ANXA8: variants seen among roughly 807,000 people sequenced by gnomAD.
The protein encoded by ANXA8 is annexin A8, also known as VAC-beta.
A neutral mutation model predicts 26.8 loss-of-function variants in ANXA8; 9 were observed. That is an observed-to-expected ratio of 0.34 (90% CI 0.20 to 0.59). The LOEUF is 0.59. Among genes scored for constraint, ANXA8 ranks in the 20% least tolerant of loss-of-function variants. The probability of loss-of-function intolerance (pLI) is 0.84; values close to 1 mark genes in which losing one functional copy is unlikely to be tolerated. For missense variants in ANXA8, 83 were observed against 238.5 expected, an observed-to-expected ratio of 0.35 and a Z score of 4.29; for synonymous variants, 39 against 94.8, an observed-to-expected ratio of 0.41 and a Z score of 3.42.
At chr10:47,693,400 C>T in the ANXA8 span, among the ~76,000 whole-genome samples, 25 of 151,524 alleles carry the variant, frequency 1.6e-4, no homozygotes, top group South Asian at 5.2e-3. Flanking sequence ...CGCCATTTTC[C>T]TGCCTCAGCC....
the ANXA8 span, among the ~76,000 whole-genome samples, chr10:47,703,970 T>A: frequency 7.0e-6 from 1 of 142,798 alleles, no homozygotes; most frequent in Non-Finnish European, 1.6e-5. Flanking sequence ...ACTAAATAAA[T>A]GATCAGGATT....
the ANXA8 span, among the ~76,000 whole-genome samples, chr10:47,569,075 G>A: frequency 8.6e-3 from 365 of 42,530 alleles, 121 homozygotes; most frequent in African/African-American, 0.047. Context: ...GCAGTGAGAC[G>A]AGATTTCACC....
At chr10:47,565,505 A>T in the ANXA8 span, 2 of 376,428 alleles carry the variant, frequency 5.3e-6, no homozygotes, top group African/African-American at 4.4e-5. Flanking sequence ...GACCCCGGCG[A>T]GGCCCCGAAG....
the ANXA8 span, among the ~76,000 whole-genome samples, chr10:47,622,798 C>T: frequency 4.5e-5 from 5 of 110,372 alleles, no homozygotes; most frequent in South Asian, 5.9e-4. Context: ...TTTTATATGG[C>T]CACAGAAATC....
chr10:47,648,205 T>C, the ANXA8 span, among the ~76,000 whole-genome samples: 4 of 148,566 alleles, frequency 2.7e-5, no homozygotes, highest in East Asian at 8.6e-4. Flanking sequence ...ATTCTTCCAT[T>C]CTCTTGCCTA....
chr10:47,952,833 C>G, the ANXA8 span, among the ~76,000 whole-genome samples: 1 of 149,092 alleles, frequency 6.7e-6, no homozygotes, highest in Admixed American at 6.6e-5. Context: ...TCTGGACATA[C>G]ATAATATGTT....
the ANXA8 span, among the ~76,000 whole-genome samples, chr10:47,957,002 T>A: frequency 6.6e-6 from 1 of 150,454 alleles, no homozygotes; most frequent in Non-Finnish European, 1.5e-5. Context: ...CTTCCCTTAG[T>A]ATCTCAGCAA....
chr10:47,491,740 C>T, the ANXA8 span: 5 of 1,546,552 alleles, frequency 3.2e-6, no homozygotes, highest in Non-Finnish European at 4.4e-6. Flanking sequence ...TTATAGCTGC[C>T]TCTGGTGCCT....
the ANXA8 span, among the ~76,000 whole-genome samples, chr10:47,520,886 G>T: frequency 7.8e-6 from 1 of 128,308 alleles, no homozygotes; most frequent in African/African-American, 3.4e-5. Context: ...TTTTGGCTTT[G>T]AGTTGTGTAA....
At chr10:47,631,402 C>T in the ANXA8 span, among the ~76,000 whole-genome samples, 2 of 151,416 alleles carry the variant, frequency 1.3e-5, no homozygotes, top group Non-Finnish European at 1.5e-5. Context: ...AAAATGTCCC[C>T]CAAATTTAAA....
chr10:47,579,072 G>A, the ANXA8 span, among the ~76,000 whole-genome samples: 1 of 146,186 alleles, frequency 6.8e-6, no homozygotes, highest in African/African-American at 2.6e-5. Flanking sequence ...CGAGCTCCTG[G>A]CCTCTAGTGA....
chr10:47,702,144 T>C, the ANXA8 span, among the ~76,000 whole-genome samples: 38 of 148,952 alleles, frequency 2.6e-4, no homozygotes, highest in African/African-American at 8.5e-4. Flanking sequence ...CCAGAGGTAT[T>C]GTTATAAACT....
chr10:47,703,085 T>TG, the ANXA8 span, among the ~76,000 whole-genome samples: 1 of 150,838 alleles, frequency 6.6e-6, no homozygotes, highest in African/African-American at 2.4e-5. Context: ...GAACACCTAC[T>TG]GGCTAAAGCT....
the ANXA8 span, among the ~76,000 whole-genome samples, chr10:47,595,256 G>A: frequency 1.3e-5 from 2 of 148,296 alleles, no homozygotes; most frequent in East Asian, 3.9e-4. Context: ...CTGCAGAAAT[G>A]CTTAAGGGAG....
At chr10:47,620,268 C>T in the ANXA8 span, among the ~76,000 whole-genome samples, 78 of 96,706 alleles carry the variant, frequency 8.1e-4, 13 homozygotes, top group African/African-American at 2.9e-3. Flanking sequence ...TGGGGATAAG[C>T]AGTGGATTAA....
the ANXA8 span, among the ~76,000 whole-genome samples, chr10:47,953,076 A>C: frequency 4.4e-3 from 669 of 150,420 alleles, 7 homozygotes; most frequent in Middle Eastern, 6.9e-3. Context: ...CTCAGGGCAC[A>C]TAAAATTTTC....
chr10:47,729,320 C>T, the ANXA8 span, among the ~76,000 whole-genome samples: 2 of 136,700 alleles, frequency 1.5e-5, no homozygotes, highest in Non-Finnish European at 3.2e-5. Flanking sequence ...AATTATCATA[C>T]CCCCCAAAAT....
At chr10:47,694,305 G>GA in the ANXA8 span, among the ~76,000 whole-genome samples, 72 of 150,042 alleles carry the variant, frequency 4.8e-4, no homozygotes, top group East Asian at 2.5e-3. Flanking sequence ...GAAATGTTGG[G>GA]AAAAAAAAGA....
chr10:47,950,515 A>T, the ANXA8 span, among the ~76,000 whole-genome samples: 8 of 150,636 alleles, frequency 5.3e-5, no homozygotes, highest in Non-Finnish European at 1.0e-4. Flanking sequence ...GCAATTCACC[A>T]TATTCATAGA....
Sources: allele counts gnomAD v4.1 joint callset (sites outside exome capture counted in the v4.1 genomes callset), GRCh38; gene constraint gnomAD v4.1.1; transcripts MANE v1.5; gene names NCBI Gene and HGNC (gene_info 2026-07-23, HGNC 2026-07-21).